ADPGK: variants seen among roughly 807,000 people sequenced by gnomAD.
ADPGK encodes ADP dependent glucokinase.
In ADPGK, 26 loss-of-function variants were observed where a neutral mutation model predicts 42.4. The ratio of observed to expected loss-of-function variants is 0.61; its 90% CI spans 0.45 to 0.85. The LOEUF (loss-of-function observed/expected upper bound fraction) is 0.85. Among genes scored for constraint, ADPGK ranks in the 40% least tolerant of loss-of-function variants. The pLI, the probability that ADPGK is intolerant of heterozygous loss-of-function variation, is 0.00. For synonymous variants in ADPGK, 267 were observed against 252.6 expected (o/e 1.06, Z -0.54); for missense variants, 571 against 627.0 (o/e 0.91, Z 0.95).
intron 3 of ADPGK, among the ~76,000 whole-genome samples, chr15:72,768,513 C>T (rs1009814589): frequency 9.9e-5 from 15 of 151,934 alleles, no homozygotes; most frequent in Admixed American, 9.8e-4. Context: ...CTAAAAAATA[C>T]AAAAATTAGC....
At chr15:72,754,225 C>T (rs1285460498) in intron 6 of ADPGK, among the ~76,000 whole-genome samples, 2 of 152,094 alleles carry the variant, frequency 1.3e-5, no homozygotes, top group Non-Finnish European at 2.9e-5. Flanking sequence ...GTCTAATCCA[C>T]AGATTCCACA....
In ADPGK at chr15:72,752,375, C is replaced by A. The variant is rs766285490; in HGVS notation, c.1460G>T (p.Gly487Val). 4 of 1,614,132 alleles carry A rather than the reference C, an allele frequency of 2.5e-6. No individual in the cohort carries two copies. The South Asian group carries it at 4.4e-5, about 18-fold the overall frequency. The change falls in exon 7 of 7, where the codon GGA becomes GTA. Residue 487 changes from glycine (G) to valine (V), a missense_variant. Physicochemically the swap from Gly to Val is moderately radical, Grantham distance 109. This residue lies in a region of ADPGK where 434 missense variants were observed against 522.7 expected (regional missense o/e 0.83). Coordinates refer to ENST00000456471, the MANE Select transcript of ADPGK (RefSeq NM_001365225.1). ...AGGGTGTACTTCCGAATAGAAGAGT[C>A]CTTCGGCTGAAATGGCATCTCCAAG... Reference protein sequence around the residue: ...VGLGDAISAEGLFYSEVHPHY With the variant: ...VGLGDAISAEVLFYSEVHPHY
At chr15:72,765,648 T>C (rs2066249124) in intron 3 of ADPGK, among the ~76,000 whole-genome samples, 1 of 152,228 alleles carries the variant, frequency 6.6e-6, no homozygotes, top group Non-Finnish European at 1.5e-5. Flanking sequence ...TTCAAAGAGA[T>C]TGATTCTAAC....
At chr15:72,766,699 T>C (rs556453613) in intron 3 of ADPGK, among the ~76,000 whole-genome samples, 7 of 152,294 alleles carry the variant, frequency 4.6e-5, no homozygotes, top group African/African-American at 1.7e-4. Context: ...GAACCAAACA[T>C]GCAGTATCTC....
Position 72,767,802 on chromosome 15 carries a change from G to A in ADPGK, c.522+3981C>T, listed in dbSNP as rs143140680. Among the ~76,000 whole-genome samples, 122 of 152,276 alleles carry A rather than the reference G, an allele frequency of 8.0e-4. 3 individuals carry two copies. The East Asian group carries it at 0.016, about 20-fold the overall frequency. ...AATCCATCAAAATCTTTGGGATGCA[G>A]CTAAAGCAGTACTTAAGGGGAAATT... On this transcript the variant is annotated intron_variant, in intron 3 of 6. Transcript: ENST00000456471.
chr15:72,755,501 C>T, intron 6 of ADPGK, 55 bp downstream of exon 6: 1 of 1,385,850 alleles, frequency 7.2e-7, no homozygotes, highest in Non-Finnish European at 1.0e-6. Flanking sequence ...CACAAAAAAG[C>T]TTCTCTGCAA....
At position 72,752,467 on chromosome 15, in the gene ADPGK, G is replaced by C. The variant is rs2066057963; in HGVS notation, c.1368C>G (p.His456Gln). 7 of 1,614,078 alleles carry C rather than the reference G, an allele frequency of 4.3e-6. No homozygotes were observed. The highest frequency in any genetic ancestry group is 5.9e-6 in the Non-Finnish European group (7 of 1,180,048). The part of the protein sequence containing the change: ...LNPNKPVVEW[H>Q]REGISFHFTP... ...TGAAGTGGAAGGATATTCCCTCTCT[G>C]TGCCATTCTACTACTGGCTTGTTTG... The change falls in exon 7 of 7, where the codon CAC becomes CAG. Residue 456 changes from histidine (H) to glutamine (Q), a missense_variant. His to Gln is a conservative substitution (Grantham distance 24). This residue lies in a region of ADPGK where 434 missense variants were observed against 522.7 expected (regional missense o/e 0.83). Transcript: ENST00000456471.
At chr15:72,778,526 C>T (rs1015486240) in intron 1 of ADPGK, among the ~76,000 whole-genome samples, 1 of 152,042 alleles carries the variant, frequency 6.6e-6, no homozygotes, top group South Asian at 2.1e-4. Context: ...TATTAGATGA[C>T]TGTGATTTTG....
At chr15:72,757,759 ATACAT>A (rs1358751653) in intron 4 of ADPGK, 2 of 222,992 alleles carry the variant, frequency 9.0e-6, no homozygotes, top group African/African-American at 4.6e-5. Context: ...GATGGGAAAA[ATACAT>A]TACATTGACA....
chr15:72,771,965 TTTTACA>T, intron 2 of ADPGK, 120 bp from the exon 3 acceptor site: 1 of 701,708 alleles, frequency 1.4e-6, no homozygotes, highest in Non-Finnish European at 2.1e-6. Flanking sequence ...TTTGAGGTGA[TTTTACA>T]TCAAAGGACA....
chr15:72,761,976 A>G (rs1400627372), intron 3 of ADPGK, among the ~76,000 whole-genome samples: 1 of 152,072 alleles, frequency 6.6e-6, no homozygotes, highest in Non-Finnish European at 1.5e-5. Flanking sequence ...GGTTCAATCA[A>G]TTCTCCTGCC....
At chr15:72,763,822 C>T (rs1230136944) in intron 3 of ADPGK, among the ~76,000 whole-genome samples, 2 of 152,224 alleles carry the variant, frequency 1.3e-5, no homozygotes, top group Non-Finnish European at 2.9e-5. Flanking sequence ...CACTTCGTGT[C>T]TCTGTCACAT....
chr15:72,760,474 A>G lies in ADPGK; in HGVS notation c.576T>C (p.Asn192=), dbSNP rs775762376. 4 of 1,610,448 alleles carry G rather than the reference A, an allele frequency of 2.5e-6. No homozygotes were observed. The African/African-American group carries it at 4.0e-5, about 16-fold the overall frequency. The change falls in exon 4 of 7, where the codon AAT becomes AAC. Residue 192 remains asparagine (N), a synonymous_variant. Transcript: ENST00000456471. ...GPKLHELLDD[N]VFVPPESLQE... ...GCAATGACTCTGGTGGAACAAAGAC[A>G]TTGTCATCAAGAAGCTCATGTAGCT...
chr15:72,778,172 C>G (rs927767392), intron 1 of ADPGK, among the ~76,000 whole-genome samples: 2 of 152,140 alleles, frequency 1.3e-5, no homozygotes, highest in African/African-American at 4.8e-5. Context: ...TCACTTGAGC[C>G]TGGGAGGCAG....
intron 1 of ADPGK, among the ~76,000 whole-genome samples, chr15:72,777,629 G>A (rs2066405892): frequency 6.6e-6 from 1 of 151,966 alleles, no homozygotes; most frequent in African/African-American, 2.4e-5. Context: ...AGTGAGCTGA[G>A]ATCGTGCCAT....
At chr15:72,768,742 C>T (rs2066290306) in intron 3 of ADPGK, among the ~76,000 whole-genome samples, 1 of 151,882 alleles carries the variant, frequency 6.6e-6, no homozygotes, top group Admixed American at 6.6e-5. Context: ...GAGGCTAAGG[C>T]AGGCGGATCG....
intron 5 of ADPGK, 187 bp from the exon 6 acceptor site, chr15:72,755,841 G>C (rs1169169530): frequency 1.5e-6 from 1 of 656,652 alleles, no homozygotes; most frequent in Non-Finnish European, 2.8e-6. Context: ...CACCAGGGAA[G>C]ACTAGGCTGT....
intron 4 of ADPGK, chr15:72,757,482 C>T (rs3179616): frequency 0.12 from 18,418 of 152,974 alleles, 1,849 homozygotes; most frequent in East Asian, 0.51. Context: ...GCTGGGATTA[C>T]AGGCGTGAGC....
rs373282615 is a variant in ADPGK at position 72,752,359 on chromosome 15, T to C, written c.1476A>G (p.Glu492=). The part of the protein sequence containing the change: ...AISAEGLFYS[E]VHPHY ...AATCTTCCTAATAGTGAGGGTGTAC[T>C]TCCGAATAGAAGAGTCCTTCGGCTG... Residue 492 remains glutamate, a synonymous_variant, in exon 7 of 7, where the codon GAA becomes GAG. Coordinates refer to ENST00000456471, the MANE Select transcript of ADPGK (RefSeq NM_001365225.1). The C allele has an allele frequency of 3.8e-5, 61 of 1,613,590 alleles. No homozygotes were observed. In the African/African-American group the frequency reaches 8.1e-4, roughly 21 times the overall value.
Sources: gnomAD v4.1 joint callset for allele counts (sites outside exome capture counted in the v4.1 genomes callset) on GRCh38, gnomAD v4.1.1 for gene constraint, gnomAD v4.1.1 regional missense constraint, MANE v1.5 for transcripts, NCBI Gene and HGNC (gene_info 2026-07-23, HGNC 2026-07-21) for gene names.